Variants in CCDC141 observed in about 807,000 individuals in gnomAD.
CCDC141 encodes coiled-coil domain containing 141, also known as coiled-coil domain-containing protein 141.
In CCDC141, 168 loss-of-function variants were observed where a neutral mutation model predicts 181.0. That is an observed-to-expected ratio of 0.93 (90% CI 0.82 to 1.05). The LOEUF (loss-of-function observed/expected upper bound fraction) is 1.05, where lower values mean the gene tolerates loss of function less well. CCDC141 is among the 50% of genes least tolerant of loss of function. The pLI is 0.00. For synonymous variants in CCDC141, 666 were observed against 642.3 expected (o/e 1.04, Z -0.56); for missense variants, 1,902 against 1,788.5 (o/e 1.06, Z -1.14).
intron 2 of CCDC141, among the ~76,000 whole-genome samples, chr2:179,030,974 T>C (rs989443827): frequency 6.6e-5 from 10 of 152,106 alleles, no homozygotes; most frequent in African/African-American, 2.4e-4. Context: ...CCCAAAAGAT[T>C]TAGTCTTCTT....
At chr2:178,945,616 A>T (rs1689696007) in intron 5 of CCDC141, among the ~76,000 whole-genome samples, 1 of 152,132 alleles carries the variant, frequency 6.6e-6, no homozygotes, top group Admixed American at 6.6e-5. Context: ...CAGCCCTGCC[A>T]TCAGCGGGAA....
chr2:178,927,447 G>C (rs143212240), intron 6 of CCDC141, among the ~76,000 whole-genome samples: 1 of 152,058 alleles, frequency 6.6e-6, no homozygotes, highest in Admixed American at 6.6e-5. Flanking sequence ...GCTGGTGAGC[G>C]TAGAGGTGGG....
intron 6 of CCDC141, among the ~76,000 whole-genome samples, chr2:178,938,768 A>C (rs1172847988): frequency 6.6e-6 from 1 of 152,086 alleles, no homozygotes; most frequent in African/African-American, 2.4e-5. Context: ...CAAGTGAGGA[A>C]AGTGGGGCTC....
At position 179,015,557 on chromosome 2, in the gene CCDC141, T is replaced by TATGA. The variant is rs370575184; in HGVS notation, c.225+31726_225+31727insTCAT. On this transcript the variant is annotated intron_variant, in intron 2 of 23. Coordinates refer to ENST00000443758, the MANE Select transcript of CCDC141 (RefSeq NM_173648.4). The stretch of plus-strand genomic sequence containing the variant: ...ATATATGATATATATATCTCATATC[T>TATGA]CATATATATCTCATATATCTCATAT... 5.9e-5 allele frequency among the ~76,000 whole-genome samples: 5 copies of TATGA among 84,290 alleles called. 1 individual carries two copies. Among genetic ancestry groups the TATGA allele is most frequent in the African/African-American group, 9.2e-5 (2 of 21,762 alleles). 55.3% of individuals were successfully genotyped at this position (84,290 alleles called of 152,430 possible). A position where few individuals can be genotyped will look rare whatever the true frequency, so the allele number is the denominator to read the frequency against.
chr2:178,990,997 A>G (rs971208064), intron 2 of CCDC141, among the ~76,000 whole-genome samples: 6 of 152,158 alleles, frequency 3.9e-5, no homozygotes, highest in African/African-American at 1.4e-4. Context: ...CATTGCCCCA[A>G]AAATGTAATT....
intron 14 of CCDC141, among the ~76,000 whole-genome samples, chr2:178,870,901 G>A (rs1686087522): frequency 6.6e-6 from 1 of 152,166 alleles, no homozygotes; most frequent in South Asian, 2.1e-4. Flanking sequence ...GTCAGGGTCA[G>A]GAACATGACT....
intron 6 of CCDC141, among the ~76,000 whole-genome samples, chr2:178,930,445 G>A (rs1181138624): frequency 6.6e-6 from 1 of 151,986 alleles, no homozygotes; most frequent in Non-Finnish European, 1.5e-5. Flanking sequence ...TTGAAGAAAT[G>A]GAAATGCTGA....
At chr2:179,045,373 TG>T (rs1404697126) in intron 2 of CCDC141, among the ~76,000 whole-genome samples, 3 of 147,428 alleles carry the variant, frequency 2.0e-5, no homozygotes, top group Non-Finnish European at 4.5e-5. Context: ...TAGTATTCCA[TG>T]GTGTATATGT....
chr2:178,929,737 C>G (rs570175356), intron 6 of CCDC141, among the ~76,000 whole-genome samples: 1 of 152,246 alleles, frequency 6.6e-6, no homozygotes, highest in African/African-American at 2.4e-5. Context: ...AGTATTCTGA[C>G]TCTATCACTT....
intron 8 of CCDC141, among the ~76,000 whole-genome samples, chr2:178,903,520 A>G (rs1306559771): frequency 3.4e-5 from 5 of 147,550 alleles, no homozygotes; most frequent in African/African-American, 7.5e-5. Context: ...AAAACCAAAC[A>G]CCGCATATTC....
At chr2:178,884,321 C>T (rs975472499) in intron 11 of CCDC141, among the ~76,000 whole-genome samples, 4 of 151,622 alleles carry the variant, frequency 2.6e-5, no homozygotes, top group African/African-American at 9.7e-5. Context: ...CTGGATCACA[C>T]ACAGAAAAAC....
chr2:178,984,566 A>G (rs919827032), intron 2 of CCDC141, among the ~76,000 whole-genome samples: 5 of 150,498 alleles, frequency 3.3e-5, no homozygotes, highest in Non-Finnish European at 7.4e-5. Context: ...GTATTCAGGA[A>G]ACCCATCTCA....
At chr2:178,897,016 A>G (rs1464469086) in intron 8 of CCDC141, among the ~76,000 whole-genome samples, 2 of 149,270 alleles carry the variant, frequency 1.3e-5, no homozygotes, top group Non-Finnish European at 3.0e-5. Flanking sequence ...CACCCTTACT[A>G]TTATTGCTCT....
intron 6 of CCDC141, among the ~76,000 whole-genome samples, chr2:178,923,462 TA>T (rs141227745): frequency 0.019 from 2,939 of 152,248 alleles, 85 homozygotes; most frequent in East Asian, 0.13. Context: ...TCACACTATT[TA>T]AAAAATATAG....
At chr2:178,886,539 T>C (rs1336747966) in intron 10 of CCDC141, among the ~76,000 whole-genome samples, 1 of 152,164 alleles carries the variant, frequency 6.6e-6, no homozygotes, top group African/African-American at 2.4e-5. Context: ...CCAGCCGTAA[T>C]GCTGACTTTC....
At chr2:178,923,306 A>G (rs578045445) in intron 6 of CCDC141, among the ~76,000 whole-genome samples, 1,905 of 151,524 alleles carry the variant, frequency 0.013, 105 homozygotes, top group Admixed American at 0.1. Context: ...GGGTTTCACC[A>G]TTTTAGCCGG....
At chr2:178,893,300 C>A (rs1687244650) in intron 8 of CCDC141, among the ~76,000 whole-genome samples, 1 of 151,584 alleles carries the variant, frequency 6.6e-6, no homozygotes, top group East Asian at 1.9e-4. Flanking sequence ...TGTATGGAAG[C>A]AGTTGCCCTA....
chr2:178,893,064 G>A (rs74729973), intron 8 of CCDC141, among the ~76,000 whole-genome samples: 8,900 of 152,188 alleles, frequency 0.058, 430 homozygotes, highest in Admixed American at 0.15. Flanking sequence ...GTGAACATGC[G>A]GTAGATCAGA....
At chr2:178,979,246 G>A (rs982040775) in intron 2 of CCDC141, among the ~76,000 whole-genome samples, 3 of 152,108 alleles carry the variant, frequency 2.0e-5, no homozygotes, top group African/African-American at 7.2e-5. Flanking sequence ...TTACATAATT[G>A]TCTCATTCAG....
Sources: gnomAD v4.1 joint callset for allele counts (sites outside exome capture counted in the v4.1 genomes callset) on GRCh38, gnomAD v4.1.1 for gene constraint, MANE v1.5 for transcripts, NCBI Gene and HGNC (gene_info 2026-07-23, HGNC 2026-07-21) for gene names.